TMEM50B: variants seen among roughly 807,000 people sequenced by gnomAD.
TMEM50B encodes transmembrane protein 50B.
In TMEM50B, 14 loss-of-function variants were observed where a neutral mutation model predicts 23.4. The ratio of observed to expected loss-of-function variants is 0.60; its 90% CI spans 0.39 to 0.93. The LOEUF is 0.93. Ranked by LOEUF, TMEM50B falls within the 40% of genes least tolerant of loss-of-function variation. The pLI is 0.00. For synonymous variants in TMEM50B, 64 were observed against 62.3 expected, an observed-to-expected ratio of 1.03 and a Z score of -0.13; for missense variants, 159 against 193.0, an observed-to-expected ratio of 0.82 and a Z score of 1.04.
At chr21:33,439,769 C>T (rs779879799) in intron 7 of TMEM50B, among the ~76,000 whole-genome samples, 12 of 151,446 alleles carry the variant, frequency 7.9e-5, no homozygotes, top group African/African-American at 1.7e-4. Flanking sequence ...CTGTCAAGGC[C>T]AGGCGCAGTG....
At chr21:33,467,355 T>A (rs1568984824) in intron 2 of TMEM50B, among the ~76,000 whole-genome samples, 1 of 152,058 alleles carries the variant, frequency 6.6e-6, no homozygotes, top group South Asian at 2.1e-4. Context: ...CCGGGCGCAG[T>A]GCTGACATCT....
chr21:33,456,085 C>G, intron 5 of TMEM50B: 1 of 619,288 alleles, frequency 1.6e-6, no homozygotes, highest in Non-Finnish European at 3.1e-6. Context: ...TCCTTTGCCT[C>G]CTATGGCCAA....
rs1264130083 is a variant in TMEM50B at position 33,450,218 on chromosome 21, G to A, written c.*600C>T. On this transcript the variant is annotated 3_prime_UTR_variant, in exon 7 of 7. Coordinates refer to ENST00000542230, the MANE Select transcript of TMEM50B (RefSeq NM_006134.7). The stretch of plus-strand genomic sequence containing the variant: ...TGAGAGTGGTCCTTCTTTTTTTTGA[G>A]AGGGAGTTTCACTTTCTCCCCCAGG... 2 of 151,680 alleles carry A rather than the reference G, an allele frequency of 1.3e-5. No homozygotes were observed. The highest frequency in any genetic ancestry group is 2.1e-4 in the South Asian group (1 of 4,814). 9.4% of individuals were successfully genotyped at this position (151,680 alleles called of 1,614,324 possible). A position where few individuals can be genotyped will look rare whatever the true frequency, so the allele number is the denominator to read the frequency against.
Position 33,468,640 on chromosome 21 carries a change from T to C in TMEM50B, c.99+147A>G, listed in dbSNP as rs1046636653. On this transcript the variant is annotated intron_variant, in intron 2 of 6. Transcript: ENST00000542230. ...GGGCCTACCATATTCTGCTTGGCAA[T>C]AGTATCTAGAACTCTGATAATCATC... 4 of 605,852 alleles carry C rather than the reference T, an allele frequency of 6.6e-6. No individual in the cohort carries two copies. The South Asian group carries it at 6.9e-5, about 10-fold the overall frequency. The allele number at this position is 605,852 out of a possible 1,614,324, so 37.5% of individuals were successfully genotyped here.
intron 7 of TMEM50B, among the ~76,000 whole-genome samples, chr21:33,439,568 T>TG (rs1363616135): frequency 7.9e-5 from 12 of 151,610 alleles, no homozygotes; most frequent in Non-Finnish European, 1.6e-4. Flanking sequence ...TTAGTAGAGA[T>TG]GGGGTTTCAC....
At chr21:33,440,359 G>A (rs1193653575) in intron 7 of TMEM50B, among the ~76,000 whole-genome samples, 1 of 151,932 alleles carries the variant, frequency 6.6e-6, no homozygotes, top group Non-Finnish European at 1.5e-5. Context: ...AGGCTGAGGT[G>A]GGCGGATCAT....
chr21:33,467,285 A>G, intron 2 of TMEM50B, 163 bp from the exon 3 acceptor site: 1 of 604,200 alleles, frequency 1.7e-6, no homozygotes, highest in South Asian at 2.1e-5. Flanking sequence ...GGATTACTTG[A>G]GGTCAGGAGT....
chr21:33,434,274 G>A (rs1407103339), intron 8 of TMEM50B, among the ~76,000 whole-genome samples: 1 of 152,138 alleles, frequency 6.6e-6, no homozygotes, highest in East Asian at 1.9e-4. Flanking sequence ...GTAATCCCAG[G>A]ACTTGGGGAG....
chr21:33,432,890 CTTTTT>C, intron 8 of TMEM50B: 1 of 1,477,700 alleles, frequency 6.8e-7, no homozygotes, highest in Non-Finnish European at 9.3e-7. Flanking sequence ...GCACACATCT[CTTTTT>C]TTTTTTTTGA....
chr21:33,467,210 T>C, intron 2 of TMEM50B, 88 bp from the exon 3 acceptor site: 5 of 1,208,358 alleles, frequency 4.1e-6, no homozygotes, highest in Non-Finnish European at 6.0e-6. Flanking sequence ...CTACAGATCA[T>C]ATAAATGGGC....
chr21:33,472,482 A>G (rs1442045400), intron 1 of TMEM50B, among the ~76,000 whole-genome samples: 1 of 152,190 alleles, frequency 6.6e-6, no homozygotes, highest in Non-Finnish European at 1.5e-5. Flanking sequence ...AAATTATCCA[A>G]TTTAGAGACC....
chr21:33,465,392 T>G lies in TMEM50B; in HGVS notation c.230A>C (p.Asn77Thr). The change falls in exon 4 of 7, where the codon AAT becomes ACT. Residue 77 changes from asparagine to threonine, a missense_variant. Physicochemically the swap from Asn to Thr is moderately conservative, Grantham distance 65. Coordinates refer to ENST00000542230, the MANE Select transcript of TMEM50B (RefSeq NM_006134.7). ...ATAGCTATCACCTCTCACCTGAGCA[T>G]TGGATACAGCATTTATCCTAGAACG... ...LAFFMINAVSNAQVRGDSYES... is the reference protein window; with the variant it reads ...LAFFMINAVSTAQVRGDSYES... The G allele has an allele frequency of 6.2e-7, 1 of 1,612,842 alleles. No homozygotes were observed. Among genetic ancestry groups the G allele is most frequent in the African/African-American group, 1.3e-5 (1 of 75,012 alleles).
At chr21:33,460,867 G>A (rs1322856786) in intron 4 of TMEM50B, among the ~76,000 whole-genome samples, 1 of 152,164 alleles carries the variant, frequency 6.6e-6, no homozygotes, top group Non-Finnish European at 1.5e-5. Context: ...TTCAAATGAA[G>A]AAGGACTAAT....
chr21:33,479,102 T>A, intron 1 of TMEM50B: 1 of 269,068 alleles, frequency 3.7e-6, no homozygotes, highest in Non-Finnish European at 7.5e-6. Flanking sequence ...AAAGGTCACG[T>A]ATTTACCTTA....
intron 5 of TMEM50B, chr21:33,456,144 T>A (rs951762884): frequency 2.0e-6 from 1 of 493,332 alleles, no homozygotes; most frequent in African/African-American, 2.0e-5. Flanking sequence ...TCTTGACTTT[T>A]AAACAGTCTG....
rs756768721 is a variant in TMEM50B, at chr21:33,437,126, CTTTT to C, written c.*2120+2084_*2120+2087del. On this transcript the variant is annotated intron_variant and NMD_transcript_variant, in intron 8 of 8. Coordinates refer to the TMEM50B transcript ENST00000420455. Reference sequence around the variant, plus strand: ...CAGCAGGTCTCATGGGGGTGACAAGCTTTTTTTTTTTTTCTTAAAGAATTTTCAA... The same window carrying C: ...CAGCAGGTCTCATGGGGGTGACAAGCTTTTTTTTTCTTAAAGAATTTTCAA... 2.4e-5 allele frequency: 12 copies of C among 490,318 alleles called. No individual in the cohort carries two copies. In the Middle Eastern group the frequency reaches 2.7e-3, roughly 112 times the overall value. The allele number at this position is 490,318 out of a possible 1,614,324, so 30.4% of individuals were successfully genotyped here.
At chr21:33,452,531 C>T (rs2123419212) in intron 6 of TMEM50B, among the ~76,000 whole-genome samples, 1 of 152,264 alleles carries the variant, frequency 6.6e-6, no homozygotes, top group African/African-American at 2.4e-5. Context: ...GTAGAGAAAC[C>T]TCGGAATACA....
chr21:33,441,254 C>A (rs1053689422), intron 7 of TMEM50B, among the ~76,000 whole-genome samples: 2 of 151,856 alleles, frequency 1.3e-5, no homozygotes, highest in Non-Finnish European at 2.9e-5. Context: ...CTTCTTGGTA[C>A]ATAACATTTA....
At chr21:33,432,804 T>C in intron 8 of TMEM50B, 1 of 1,613,908 alleles carries the variant, frequency 6.2e-7, no homozygotes, top group Non-Finnish European at 8.5e-7. Context: ...TTCCTGGTCC[T>C]GAAATATAGA....
Sources: allele counts gnomAD v4.1 joint callset (sites outside exome capture counted in the v4.1 genomes callset), GRCh38; gene constraint gnomAD v4.1.1; transcripts MANE v1.5; gene names NCBI Gene and HGNC (gene_info 2026-07-23, HGNC 2026-07-21).